The following SYNPO variants were observed in gnomAD, a reference collection of about 807,000 sequenced individuals.
SYNPO encodes the protein synaptopodin.
A neutral mutation model predicts 49.5 loss-of-function variants in SYNPO; 19 were observed. That is an observed-to-expected ratio of 0.38 (90% CI 0.27 to 0.56). The LOEUF (loss-of-function observed/expected upper bound fraction) is 0.56. Among genes scored for constraint, SYNPO ranks in the 20% least tolerant of loss-of-function variants. SYNPO has a pLI of 0.68. For synonymous variants in SYNPO, 536 were observed against 548.0 expected, an observed-to-expected ratio of 0.98 and a Z score of 0.31; for missense variants, 1,131 against 1,248.3, an observed-to-expected ratio of 0.91 and a Z score of 1.42.
intron 2 of SYNPO, among the ~76,000 whole-genome samples, chr5:150,626,277 C>T (rs549516253): frequency 6.6e-6 from 1 of 152,328 alleles, no homozygotes; most frequent in Non-Finnish European, 1.5e-5. Flanking sequence ...GTTGAAAACC[C>T]CCCGGGGAGC....
the SYNPO span, among the ~76,000 whole-genome samples, chr5:150,591,555 G>A: frequency 6.6e-6 from 1 of 152,150 alleles, no homozygotes; most frequent in African/African-American, 2.4e-5. Flanking sequence ...TCGCCTTCCT[G>A]TTTTTTGTCA....
At chr5:150,603,022 G>GTGTGTGTGTGTA (rs1756591270) in intron 1 of SYNPO, among the ~76,000 whole-genome samples, 3 of 151,714 alleles carry the variant, frequency 2.0e-5, no homozygotes, top group African/African-American at 7.2e-5. Flanking sequence ...GTGTGTGTGT[G>GTGTGTGTGTGTA]TGTGTGTGTG....
intron 1 of SYNPO, chr5:150,617,667 C>T: frequency 6.6e-6 from 1 of 152,156 alleles, no homozygotes; most frequent in Non-Finnish European, 1.5e-5. Context: ...GGTCACACCA[C>T]TCCTGTGATT....
rs371549228 is a variant in SYNPO, at chr5:150,649,228, C to T, written c.953C>T (p.Pro318Leu). ...ERRPLGNFTA[P>L]PTYTETLSTA... The stretch of plus-strand genomic sequence containing the variant: ...CGCCCCTTGGGGAACTTCACTGCAC[C>T]CCCCACCTACACTGAGACCTTGTCC... The change falls in exon 2 of 3, where the codon CCC (proline) becomes CTC (leucine). Residue 318 changes from proline (P) to leucine (L), a missense_variant. This residue lies in a region of SYNPO where 602 missense variants were observed against 720.7 expected (regional missense o/e 0.84). Coordinates refer to ENST00000307662, the MANE Select transcript of SYNPO (RefSeq NM_007286.6). The T allele has an allele frequency of 6.2e-6, 10 of 1,614,064 alleles. No individual in the cohort carries two copies. The highest frequency in any genetic ancestry group is 1.3e-5 in the African/African-American group (1 of 75,004).
chr5:150,618,258 A>G (rs1757035661), exon 2 of SYNPO: 1 of 1,325,786 alleles, frequency 7.5e-7, no homozygotes, highest in Admixed American at 2.9e-5. Context: ...AGAGAGTCAG[A>G]GGAGGCTGTG....
rs1254577757 is a variant in SYNPO, at chr5:150,629,293, G to A, written c.400+10526G>A. On this transcript the variant is annotated intron_variant, in intron 2 of 2. Coordinates refer to the SYNPO transcript ENST00000394243. ...CTTACAGGCATGAGTCACCATGCCC[G>A]GCCTAGGAACAGGTTTTGATGGTGG... Among the ~76,000 whole-genome samples, 5 of 152,158 alleles carry A rather than the reference G, an allele frequency of 3.3e-5. 1 individual carries two copies. The highest frequency in any genetic ancestry group is 9.7e-5 in the African/African-American group (4 of 41,422).
chr5:150,603,586 A>C (rs925664158), intron 1 of SYNPO, among the ~76,000 whole-genome samples: 2 of 152,246 alleles, frequency 1.3e-5, no homozygotes, highest in Non-Finnish European at 2.9e-5. Context: ...GCTCTGCTGC[A>C]GGAAATGCAG....
At chr5:150,606,153 A>T (rs938777198) in intron 1 of SYNPO, among the ~76,000 whole-genome samples, 87 of 152,314 alleles carry the variant, frequency 5.7e-4, no homozygotes, top group African/African-American at 2.0e-3. Context: ...AACATACACA[A>T]TGAATACATA....
In SYNPO at chr5:150,656,664, T is replaced by C. The variant is rs1341269340; in HGVS notation, c.2289T>C (p.Asn763=). The change falls in exon 3 of 3, where the codon AAT becomes AAC. Residue 763 remains asparagine (N), a synonymous_variant. Coordinates refer to ENST00000307662, the MANE Select transcript of SYNPO (RefSeq NM_007286.6). Reference sequence around the variant, plus strand: ...CGCTTCTGGCGCGAAACATCATCAATGCGGCCCGGCGCAAGAGCGCCTCCC... The same window carrying C: ...CGCTTCTGGCGCGAAACATCATCAACGCGGCCCGGCGCAAGAGCGCCTCCC... ...LQALLARNII[N]AARRKSASPR... is the part of the protein sequence containing the mutation. 4 of 1,497,764 alleles carry C rather than the reference T, an allele frequency of 2.7e-6. No homozygotes were observed. The highest frequency in any genetic ancestry group is 3.5e-6 in the Non-Finnish European group (4 of 1,131,266). The allele number at this position is 1,497,764 out of a possible 1,614,324, so 92.8% of individuals were successfully genotyped here. A position where few individuals can be genotyped will look rare whatever the true frequency, so the allele number is the denominator to read the frequency against.
At chr5:150,621,402 C>T (rs1240210466) in intron 2 of SYNPO, among the ~76,000 whole-genome samples, 1 of 152,132 alleles carries the variant, frequency 6.6e-6, no homozygotes, top group Non-Finnish European at 1.5e-5. Context: ...CTGGGTCTTG[C>T]AGGAGAGTCA....
intron 2 of SYNPO, 115 bp downstream of exon 2, chr5:150,650,418 A>G: frequency 6.4e-7 from 1 of 1,557,658 alleles, no homozygotes; most frequent in African/African-American, 1.4e-5. Context: ...AATGGCACAG[A>G]GCTGAGTGAG....
intron 1 of SYNPO, chr5:150,617,658 G>T (rs1757017671): frequency 6.6e-6 from 1 of 151,950 alleles, no homozygotes; most frequent in Non-Finnish European, 1.5e-5. Flanking sequence ...TGCATCTTAG[G>T]TCACACCACT....
Position 150,605,763 on chromosome 5 carries a change from C to T in SYNPO, c.-266+4575C>T, listed in dbSNP as rs963537789. ...CCCCCACCACACACACACACATACACACACACACACACACACACACAGATA... is the reference window on the plus strand; with the variant it reads ...CCCCCACCACACACACACACATACATACACACACACACACACACACAGATA... On this transcript the variant is annotated intron_variant, in intron 1 of 2. Transcript: ENST00000394243. 2.2e-3 allele frequency among the ~76,000 whole-genome samples: 308 copies of T among 141,658 alleles called. 1 individual carries two copies. Among genetic ancestry groups the T allele is most frequent in the African/African-American group, 8.7e-3 (282 of 32,328 alleles). The allele number at this position is 141,658 out of a possible 152,430, so 92.9% of individuals were successfully genotyped here.
chr5:150,625,015 C>G, intron 2 of SYNPO: 1 of 970,832 alleles, frequency 1.0e-6, no homozygotes, highest in Non-Finnish European at 1.2e-6. Flanking sequence ...CACATCTGGG[C>G]TCCAGTCCTC....
intron 1 of SYNPO, chr5:150,614,438 G>C (rs1162631245): frequency 6.6e-6 from 1 of 152,294 alleles, no homozygotes; most frequent in African/African-American, 2.4e-5. Context: ...GCCCCTGCTT[G>C]GACTCATGCA....
At chr5:150,601,794 G>A (rs1449813637) in intron 1 of SYNPO, among the ~76,000 whole-genome samples, 1 of 152,164 alleles carries the variant, frequency 6.6e-6, no homozygotes, top group Non-Finnish European at 1.5e-5. Context: ...AGACTCCCTT[G>A]TGACCACCAT....
At chr5:150,652,229 AG>A in intron 2 of SYNPO, 1 of 1,000,702 alleles carries the variant, frequency 1.0e-6, no homozygotes, top group South Asian at 4.7e-5. Context: ...TCTACCCTTG[AG>A]GGCCACCAAT....
Position 150,649,080 on chromosome 5 carries a change from G to A in SYNPO, c.805G>A (p.Ala269Thr). 4 of 1,613,862 alleles carry A rather than the reference G, an allele frequency of 2.5e-6. No homozygotes were observed. The highest frequency in any genetic ancestry group is 3.4e-6 in the Non-Finnish European group (4 of 1,179,804). The change falls in exon 2 of 3, where the codon GCC becomes ACC. Residue 269 changes from alanine to threonine, a missense_variant. Coordinates refer to ENST00000307662, the MANE Select transcript of SYNPO (RefSeq NM_007286.6). The stretch of plus-strand genomic sequence containing the variant: ...AGAGAGACGACATTTTGGGGAGAAG[G>A]CCCCGGCTCCCCAGCCCCCCAGTTT... ...MLERRHFGEK[A>T]PAPQPPSLPD... is the part of the protein sequence containing the mutation.
chr5:150,642,891 G>T (rs1757959992), intron 1 of SYNPO, among the ~76,000 whole-genome samples: 1 of 152,232 alleles, frequency 6.6e-6, no homozygotes, highest in African/African-American at 2.4e-5. Flanking sequence ...AGAGGTGGTG[G>T]TGATGGGATC....
Sources: gnomAD v4.1 joint callset for allele counts (sites outside exome capture counted in the v4.1 genomes callset) on GRCh38, gnomAD v4.1.1 for gene constraint, gnomAD v4.1.1 regional missense constraint, MANE v1.5 for transcripts, NCBI Gene and HGNC (gene_info 2026-07-23, HGNC 2026-07-21) for gene names.